RBKS: variants seen among roughly 807,000 people sequenced by gnomAD.
RBKS encodes ribokinase.
RBKS carries 33 observed loss-of-function variants against 33.9 expected under a neutral mutation model. The observed-to-expected ratio is 0.97, with a 90% CI of 0.74 to 1.30. The LOEUF is 1.30. RBKS is among the 50% of genes most tolerant of loss of function. The probability of loss-of-function intolerance (pLI) is 0.00; values close to 1 mark genes in which losing one functional copy is unlikely to be tolerated. For missense variants in RBKS, 361 were observed against 392.6 expected, an observed-to-expected ratio of 0.92 and a Z score of 0.68; for synonymous variants, 125 against 143.0, an observed-to-expected ratio of 0.87 and a Z score of 0.90.
Position 27,877,390 on chromosome 2 carries a change from A to T in RBKS, c.89+12867T>A, listed in dbSNP as rs1664334301. Among the ~76,000 whole-genome samples the T allele has an allele frequency of 3.3e-5, 5 of 151,932 alleles. No homozygotes were observed. The South Asian group carries it at 8.3e-4, about 25-fold the overall frequency. ...TATCTTCTGTCATTTCATTGCCTCC[A>T]GTTAATATTTGTAAATTTTTTGAGC... is the stretch of plus-strand genomic sequence containing the variant. On this transcript the variant is annotated intron_variant, in intron 1 of 7. Transcript: ENST00000302188.
rs1460799435 is a variant in RBKS, at chr2:27,781,420, GGTT to G, written c.*192_*194del. 29 of 536,004 alleles carry G rather than the reference GGTT, an allele frequency of 5.4e-5. No homozygotes were observed. In the East Asian group the frequency reaches 8.4e-4, roughly 16 times the overall value. The allele number at this position is 536,004 out of a possible 1,614,324, so 33.2% of individuals were successfully genotyped here. A position where few individuals can be genotyped will look rare whatever the true frequency, so the allele number is the denominator to read the frequency against. On this transcript the variant is annotated 3_prime_UTR_variant, in exon 8 of 8. Transcript: ENST00000302188. ...TCTTGGTTGTGGAATCTTTAATTCT[GGTT>G]GTTTTGTGCAAATGCATGGAAAGCA...
chr2:27,818,237 C>T (rs1023528891), intron 7 of RBKS, among the ~76,000 whole-genome samples: 8 of 152,114 alleles, frequency 5.3e-5, no homozygotes, highest in Non-Finnish European at 1.2e-4. Flanking sequence ...GCACTGTTCT[C>T]AGGGTATACG....
chr2:27,887,629 A>G (rs1284247980), intron 1 of RBKS, among the ~76,000 whole-genome samples: 1 of 152,168 alleles, frequency 6.6e-6, no homozygotes, highest in East Asian at 1.9e-4. Context: ...TAGCAGAGAG[A>G]GTCTATATGG....
chr2:27,806,455 G>T (rs1677898115), intron 7 of RBKS, among the ~76,000 whole-genome samples: 1 of 152,176 alleles, frequency 6.6e-6, no homozygotes, highest in South Asian at 2.1e-4. Flanking sequence ...GCACTTTCTG[G>T]TTTACAGGGC....
chr2:27,862,302 T>G (rs1001475324), intron 1 of RBKS, among the ~76,000 whole-genome samples: 1 of 152,188 alleles, frequency 6.6e-6, no homozygotes, highest in Non-Finnish European at 1.5e-5. Context: ...TCCCATGATA[T>G]GTACATGCAT....
Position 27,781,396 on chromosome 2 carries a change from C to A in RBKS, c.*219G>T, listed in dbSNP as rs1041328091. On this transcript the variant is annotated 3_prime_UTR_variant, in exon 8 of 8. Transcript: ENST00000302188. Reference sequence around the variant, plus strand: ...TACTTGTCTTTATGTTTGTACAGATCTTGGTTGTGGAATCTTTAATTCTGG... The same window carrying A: ...TACTTGTCTTTATGTTTGTACAGATATTGGTTGTGGAATCTTTAATTCTGG... 2.0e-6 allele frequency: 1 copy of A among 494,820 alleles called. No homozygotes were observed. Among genetic ancestry groups the A allele is most frequent in the Non-Finnish European group, 3.6e-6 (1 of 279,834 alleles). 30.7% of individuals were successfully genotyped at this position (494,820 alleles called of 1,614,324 possible).
intron 5 of RBKS, among the ~76,000 whole-genome samples, chr2:27,836,786 T>C (rs1409206161): frequency 6.6e-6 from 1 of 151,940 alleles, no homozygotes; most frequent in South Asian, 2.1e-4. Flanking sequence ...ATAAGGAACT[T>C]ACATAAATCG....
chr2:27,796,143 T>C (rs887901862), intron 7 of RBKS, among the ~76,000 whole-genome samples: 16 of 152,252 alleles, frequency 1.1e-4, no homozygotes, highest in African/African-American at 3.9e-4. Flanking sequence ...AATCTATTTA[T>C]ACCACAAAGC....
intron 7 of RBKS, among the ~76,000 whole-genome samples, chr2:27,783,988 T>TC (rs1677343790): frequency 1.2e-5 from 1 of 84,006 alleles, no homozygotes; most frequent in Non-Finnish European, 2.8e-5. Flanking sequence ...TTTTTTTTTT[T>TC]TTTTTTTTTT....
At chr2:27,855,103 T>G (rs956252031) in intron 2 of RBKS, among the ~76,000 whole-genome samples, 4 of 144,026 alleles carry the variant, frequency 2.8e-5, no homozygotes, top group African/African-American at 1.0e-4. Flanking sequence ...CACTCTTAAA[T>G]TCTTGCCTGG....
At chr2:27,851,261 C>G (rs1298980452) in intron 2 of RBKS, among the ~76,000 whole-genome samples, 1 of 152,188 alleles carries the variant, frequency 6.6e-6, no homozygotes, top group African/African-American at 2.4e-5. Flanking sequence ...CTCTCCTCCA[C>G]TAAATCAAAC....
chr2:27,827,889 G>A (rs1678346585), intron 6 of RBKS, 134 bp from the exon 7 acceptor site: 2 of 660,820 alleles, frequency 3.0e-6, no homozygotes, highest in Non-Finnish European at 4.7e-6. Flanking sequence ...GATAGATACT[G>A]GTACAGGAAA....
intron 7 of RBKS, among the ~76,000 whole-genome samples, chr2:27,802,763 G>A (rs1373033109): frequency 6.6e-6 from 1 of 152,054 alleles, no homozygotes; most frequent in Non-Finnish European, 1.5e-5. Flanking sequence ...AGTCTCCATG[G>A]CCACCAGTGA....
intron 5 of RBKS, among the ~76,000 whole-genome samples, chr2:27,838,228 G>C (rs1368233018): frequency 1.3e-5 from 2 of 151,704 alleles, no homozygotes; most frequent in Admixed American, 6.6e-5. Flanking sequence ...ACAAAAACAA[G>C]TCTGCACATG....
intron 7 of RBKS, among the ~76,000 whole-genome samples, chr2:27,813,962 A>G (rs941256146): frequency 4.6e-5 from 7 of 152,060 alleles, no homozygotes; most frequent in African/African-American, 9.7e-5. Context: ...GCTCATGCCT[A>G]TAATTCCAGC....
At chr2:27,857,037 A>G (rs1464651131) in intron 2 of RBKS, among the ~76,000 whole-genome samples, 3 of 152,246 alleles carry the variant, frequency 2.0e-5, no homozygotes, top group African/African-American at 7.2e-5. Context: ...TTGACCAAAT[A>G]GCCATGTGAA....
intron 2 of RBKS, among the ~76,000 whole-genome samples, chr2:27,854,686 T>C (rs1477206116): frequency 1.3e-5 from 2 of 152,022 alleles, no homozygotes; most frequent in African/African-American, 4.8e-5. Flanking sequence ...GCCCATACAC[T>C]ACCCTCTGGG....
intron 7 of RBKS, among the ~76,000 whole-genome samples, chr2:27,789,973 G>GTGTATATA (rs1677489204): frequency 1.2e-5 from 1 of 85,258 alleles, no homozygotes; most frequent in African/African-American, 4.8e-5. Context: ...ATATATATAT[G>GTGTATATA]TATATATATA....
At chr2:27,873,257 G>C (rs1291179612) in intron 1 of RBKS, among the ~76,000 whole-genome samples, 1 of 152,098 alleles carries the variant, frequency 6.6e-6, no homozygotes, top group Non-Finnish European at 1.5e-5. Context: ...GCTGTCAATA[G>C]GGTTAAAGTT....
Sources: gnomAD v4.1 joint callset for allele counts (sites outside exome capture counted in the v4.1 genomes callset) on GRCh38, gnomAD v4.1.1 for gene constraint, MANE v1.5 for transcripts, NCBI Gene and HGNC (gene_info 2026-07-23, HGNC 2026-07-21) for gene names.